Variants in EIF4G3 observed in about 807,000 individuals in gnomAD.
EIF4G3 encodes eIF-4-gamma 3.
EIF4G3 carries 34 observed loss-of-function variants against 186.4 expected under a neutral mutation model. The observed-to-expected ratio is 0.18, with a 90% confidence interval of 0.14 to 0.24. The LOEUF is 0.24. EIF4G3 is among the 10% of genes least tolerant of loss of function. The pLI is 1.00. For synonymous variants in EIF4G3, 673 were observed against 679.5 expected (o/e 0.99, Z 0.15); for missense variants, 1,536 against 1,948.5 (o/e 0.79, Z 3.99).
At chr1:21,007,728 ACT>A (rs1017304788) in intron 4 of EIF4G3, among the ~76,000 whole-genome samples, 3 of 151,758 alleles carry the variant, frequency 2.0e-5, no homozygotes, top group Admixed American at 6.6e-5. Flanking sequence ...GTATAAAAAG[ACT>A]CTGTCTTAAC....
At chr1:20,970,257 G>A (rs538645994) in intron 11 of EIF4G3, among the ~76,000 whole-genome samples, 22 of 152,296 alleles carry the variant, frequency 1.4e-4, no homozygotes, top group African/African-American at 4.8e-4. Flanking sequence ...AATGCTGACT[G>A]CAATCATGCC....
At chr1:21,123,812 T>A (rs2096972086) in intron 2 of EIF4G3, among the ~76,000 whole-genome samples, 1 of 152,146 alleles carries the variant, frequency 6.6e-6, no homozygotes, top group Admixed American at 6.6e-5. Context: ...CCTTATCCAG[T>A]GCTGTAATTC....
At chr1:21,071,792 C>T (rs1175909834) in intron 3 of EIF4G3, among the ~76,000 whole-genome samples, 5 of 141,582 alleles carry the variant, frequency 3.5e-5, no homozygotes, top group African/African-American at 5.3e-5. Flanking sequence ...GGTGACAGAG[C>T]GAGGCTCCGT....
intron 20 of EIF4G3, among the ~76,000 whole-genome samples, chr1:20,873,202 T>G (rs926981323): frequency 3.6e-4 from 55 of 152,244 alleles, no homozygotes; most frequent in African/African-American, 1.2e-3. Context: ...TGAGAATCCA[T>G]GCCCATGTAG....
At chr1:20,878,891 C>A (rs2081566926) in intron 20 of EIF4G3, among the ~76,000 whole-genome samples, 1 of 152,140 alleles carries the variant, frequency 6.6e-6, no homozygotes, top group Non-Finnish European at 1.5e-5. Context: ...AGCTTTGAAA[C>A]CTTTTTGACT....
chr1:20,921,013 A>C (rs1205832354), intron 14 of EIF4G3, among the ~76,000 whole-genome samples: 1 of 152,182 alleles, frequency 6.6e-6, no homozygotes, highest in African/African-American at 2.4e-5. Context: ...TATTTTATAT[A>C]ATAGAACTGT....
At chr1:20,866,340 A>G (rs529901562) in intron 20 of EIF4G3, among the ~76,000 whole-genome samples, 8 of 152,340 alleles carry the variant, frequency 5.3e-5, no homozygotes, top group African/African-American at 1.4e-4. Context: ...ACACTCTCCA[A>G]TGTATTCCCT....
At chr1:20,870,358 T>C (rs1442041579) in intron 20 of EIF4G3, among the ~76,000 whole-genome samples, 1 of 152,190 alleles carries the variant, frequency 6.6e-6, no homozygotes, top group Non-Finnish European at 1.5e-5. Context: ...CTGCCTTTAG[T>C]GCCATTCTTT....
chr1:20,919,814 T>C (rs554741328), intron 14 of EIF4G3, among the ~76,000 whole-genome samples: 1 of 152,142 alleles, frequency 6.6e-6, no homozygotes, highest in African/African-American at 2.4e-5. Context: ...GAGAAGAAAA[T>C]CAGAATGTTG....
chr1:20,941,263 G>A, intron 14 of EIF4G3: 1 of 1,549,566 alleles, frequency 6.5e-7, no homozygotes, highest in Non-Finnish European at 8.7e-7. Context: ...ATATACCTTG[G>A]AGGCATTTTG....
At chr1:20,842,292 A>C (rs546616747) in intron 29 of EIF4G3, among the ~76,000 whole-genome samples, 10 of 152,192 alleles carry the variant, frequency 6.6e-5, no homozygotes, top group Non-Finnish European at 4.4e-5. Context: ...CTTTAATCTA[A>C]AATCGTCCTT....
intron 6 of EIF4G3, among the ~76,000 whole-genome samples, chr1:21,000,797 G>A (rs2083344165): frequency 7.8e-6 from 1 of 127,856 alleles, no homozygotes. Flanking sequence ...TTGTATAGAG[G>A]ATAGTATCTG....
At chr1:21,138,842 G>GA (rs969329621) in intron 2 of EIF4G3, among the ~76,000 whole-genome samples, 21 of 151,786 alleles carry the variant, frequency 1.4e-4, no homozygotes, top group Admixed American at 5.9e-4. Context: ...CTTCCTCATG[G>GA]AAAAAAAATA....
intron 2 of EIF4G3, among the ~76,000 whole-genome samples, chr1:21,126,725 TTAA>T (rs2097053468): frequency 3.3e-5 from 5 of 152,154 alleles, no homozygotes; most frequent in Admixed American, 3.3e-4. Flanking sequence ...AGAGAACACA[TTAA>T]TAGAGATGGA....
intron 7 of EIF4G3, among the ~76,000 whole-genome samples, chr1:20,989,506 G>A (rs1444386757): frequency 3.0e-5 from 4 of 135,504 alleles, no homozygotes; most frequent in South Asian, 2.4e-4. Flanking sequence ...GCAGTGAGCC[G>A]AGATCATGCC....
chr1:21,168,590 C>T (rs2103036684), intron 2 of EIF4G3, among the ~76,000 whole-genome samples: 1 of 151,738 alleles, frequency 6.6e-6, no homozygotes, highest in East Asian at 2.0e-4. Flanking sequence ...TCCTGGCAAA[C>T]TATTTTTTAA....
intron 2 of EIF4G3, among the ~76,000 whole-genome samples, chr1:21,138,653 A>C (rs969426419): frequency 6.6e-6 from 1 of 152,046 alleles, no homozygotes; most frequent in East Asian, 1.9e-4. Context: ...CCCCGTCTCT[A>C]CTAAAAATAT....
At chr1:21,000,289 T>C (rs569624163) in intron 6 of EIF4G3, among the ~76,000 whole-genome samples, 1 of 152,028 alleles carries the variant, frequency 6.6e-6, no homozygotes, top group Non-Finnish European at 1.5e-5. Context: ...GGCACAAAGA[T>C]AACCTGAAGG....
At chr1:21,173,860 G>A (rs1403211828) in intron 2 of EIF4G3, among the ~76,000 whole-genome samples, 3 of 152,152 alleles carry the variant, frequency 2.0e-5, no homozygotes, top group African/African-American at 4.8e-5. Context: ...GACCACTTGC[G>A]TCAAATACAA....
Sources: gnomAD v4.1 joint callset for allele counts (sites outside exome capture counted in the v4.1 genomes callset) on GRCh38, gnomAD v4.1.1 for gene constraint, MANE v1.5 for transcripts, NCBI Gene and HGNC (gene_info 2026-07-23, HGNC 2026-07-21) for gene names.